The following RALYL variants were observed in gnomAD, a reference collection of about 807,000 sequenced individuals.
RALYL encodes the protein RNA-binding Raly-like protein.
Under a neutral mutation model 35.1 loss-of-function variants are expected in RALYL, and 29 were observed. The observed-to-expected ratio is 0.83, with a 90% CI of 0.61 to 1.13. The LOEUF is 1.13. Among genes scored for constraint, RALYL ranks in the 50% most tolerant of loss-of-function variants. RALYL has a pLI of 0.00. For synonymous variants in RALYL, 120 were observed against 127.6 expected, an observed-to-expected ratio of 0.94 and a Z score of 0.40; for missense variants, 359 against 360.4, an observed-to-expected ratio of 1.00 and a Z score of 0.03.
intron 7 of RALYL, among the ~76,000 whole-genome samples, chr8:84,879,030 C>T (rs979990779): frequency 2.0e-5 from 3 of 151,878 alleles, no homozygotes; most frequent in East Asian, 1.9e-4. Flanking sequence ...AAAAACACAG[C>T]GATAAACCAA....
chr8:84,660,764 C>T (rs947834665), intron 2 of RALYL, among the ~76,000 whole-genome samples: 1 of 151,826 alleles, frequency 6.6e-6, no homozygotes, highest in African/African-American at 2.4e-5. Flanking sequence ...GTAGAATTCA[C>T]TGAAGTTATA....
At chr8:84,621,504 C>T (rs1019207443) in intron 2 of RALYL, among the ~76,000 whole-genome samples, 1 of 152,144 alleles carries the variant, frequency 6.6e-6, no homozygotes. Context: ...TCTGGCACTC[C>T]CTAGTGAGAT....
At chr8:84,511,917 C>T (rs1719181759) in intron 1 of RALYL, among the ~76,000 whole-genome samples, 1 of 152,110 alleles carries the variant, frequency 6.6e-6, no homozygotes, top group Non-Finnish European at 1.5e-5. Context: ...GTATGTACAC[C>T]ACATTTCCTT....
At chr8:84,446,747 A>G (rs2048899779) in intron 1 of RALYL, among the ~76,000 whole-genome samples, 1 of 152,070 alleles carries the variant, frequency 6.6e-6, no homozygotes, top group African/African-American at 2.4e-5. Context: ...AGGGCTGTCC[A>G]AGGTGAATAT....
At chr8:84,785,408 G>A (rs1819193939) in intron 3 of RALYL, among the ~76,000 whole-genome samples, 1 of 152,100 alleles carries the variant, frequency 6.6e-6, no homozygotes, top group East Asian at 1.9e-4. Flanking sequence ...ATAGTAAAAT[G>A]AAGGAGTTGA....
intron 1 of RALYL, among the ~76,000 whole-genome samples, chr8:84,472,377 G>C (rs1170073913): frequency 1.3e-5 from 2 of 152,104 alleles, no homozygotes; most frequent in Non-Finnish European, 2.9e-5. Context: ...TCAAAAGGCT[G>C]GGACTGTTAA....
At chr8:84,744,659 G>C (rs1808189037) in intron 2 of RALYL, among the ~76,000 whole-genome samples, 1 of 151,930 alleles carries the variant, frequency 6.6e-6, no homozygotes, top group African/African-American at 2.4e-5. Context: ...CTCACAAAAA[G>C]ACCAAGGCCA....
At chr8:84,201,441 C>G (rs1816816748) in intron 1 of RALYL, among the ~76,000 whole-genome samples, 1 of 152,012 alleles carries the variant, frequency 6.6e-6, no homozygotes, top group Non-Finnish European at 1.5e-5. Context: ...GGTAATATAA[C>G]CTTGTGAGTA....
At chr8:84,357,774 T>C (rs1852157348) in intron 1 of RALYL, among the ~76,000 whole-genome samples, 1 of 147,416 alleles carries the variant, frequency 6.8e-6, no homozygotes, top group Non-Finnish European at 1.5e-5. Flanking sequence ...TATAAATATA[T>C]ATATTTATAT....
At chr8:84,863,831 A>G (rs1241014731) in intron 6 of RALYL, among the ~76,000 whole-genome samples, 1 of 152,194 alleles carries the variant, frequency 6.6e-6, no homozygotes, top group Non-Finnish European at 1.5e-5. Flanking sequence ...CTATGTAATT[A>G]TGTATTCATG....
At chr8:84,664,147 G>C (rs1406906136) in intron 2 of RALYL, among the ~76,000 whole-genome samples, 1 of 151,740 alleles carries the variant, frequency 6.6e-6, no homozygotes, top group Non-Finnish European at 1.5e-5. Flanking sequence ...CTTATTTCTG[G>C]GTTCTCTATT....
chr8:84,383,551 G>A (rs1361256630), intron 1 of RALYL, among the ~76,000 whole-genome samples: 3 of 151,556 alleles, frequency 2.0e-5, no homozygotes, highest in Non-Finnish European at 4.4e-5. Flanking sequence ...CTGAAAGGCA[G>A]TGAAAGTACT....
intron 2 of RALYL, among the ~76,000 whole-genome samples, chr8:84,728,875 T>G (rs1421717704): frequency 1.3e-5 from 2 of 152,214 alleles, no homozygotes; most frequent in Non-Finnish European, 2.9e-5. Context: ...TTGGTTACTG[T>G]AGCCTTGTAG....
chr8:84,496,586 CAG>C (rs1384575006), intron 1 of RALYL, among the ~76,000 whole-genome samples: 2 of 152,142 alleles, frequency 1.3e-5, no homozygotes, highest in Non-Finnish European at 2.9e-5. Flanking sequence ...CTGTCATTTA[CAG>C]ACTGAATCCC....
intron 2 of RALYL, among the ~76,000 whole-genome samples, chr8:84,537,012 TTA>T (rs935901381): frequency 6.6e-6 from 1 of 152,020 alleles, no homozygotes; most frequent in African/African-American, 2.4e-5. Context: ...CTACCATATT[TTA>T]TGTTATACAG....
chr8:84,727,729 T>C (rs1418909153), intron 2 of RALYL, among the ~76,000 whole-genome samples: 3 of 151,324 alleles, frequency 2.0e-5, no homozygotes, highest in African/African-American at 7.3e-5. Context: ...CGTGTTTGGT[T>C]TTTTTGTTCT....
At chr8:84,908,122 A>G (rs112518610) in intron 8 of RALYL, among the ~76,000 whole-genome samples, 97 of 152,306 alleles carry the variant, frequency 6.4e-4, no homozygotes, top group African/African-American at 2.3e-3. Context: ...GTACAAAGTG[A>G]TGTTATAGTG....
intron 2 of RALYL, among the ~76,000 whole-genome samples, chr8:84,533,268 G>T (rs911450236): frequency 6.6e-6 from 1 of 152,074 alleles, no homozygotes; most frequent in African/African-American, 2.4e-5. Context: ...CAATCTAAGT[G>T]TAGTCATTAG....
intron 1 of RALYL, among the ~76,000 whole-genome samples, chr8:84,477,212 CAGAT>C: frequency 6.6e-6 from 1 of 152,168 alleles, no homozygotes; most frequent in East Asian, 1.9e-4. Context: ...ACTTAACTAG[CAGAT>C]AGCCCTAATT....
Sources: allele counts gnomAD v4.1 joint callset (sites outside exome capture counted in the v4.1 genomes callset), GRCh38; gene constraint gnomAD v4.1.1; transcripts MANE v1.5; gene names NCBI Gene and HGNC (gene_info 2026-07-23, HGNC 2026-07-21).